Variants in OR1J2 observed in about 807,000 individuals in gnomAD.
OR1J2 encodes olfactory receptor family 1 subfamily J member 2.
For synonymous variants in OR1J2, 142 were observed against 99.7 expected, an observed-to-expected ratio of 1.42 and a Z score of -2.52; for missense variants, 304 against 246.1, an observed-to-expected ratio of 1.24 and a Z score of -1.57.
At chr9:122,561,270 A>T in the OR1J2 span, among the ~76,000 whole-genome samples, 1 of 152,078 alleles carries the variant, frequency 6.6e-6, no homozygotes, top group Non-Finnish European at 1.5e-5. Context: ...GCTTCTTTGC[A>T]TTGGGTTAGA....
chr9:122,535,220 C>A, the OR1J2 span, among the ~76,000 whole-genome samples: 5 of 151,882 alleles, frequency 3.3e-5, no homozygotes, highest in African/African-American at 1.2e-4. Flanking sequence ...GAGGTCGGGG[C>A]ATGGAAATAA....
chr9:122,477,025 A>C, the OR1J2 span: 3 of 1,613,568 alleles, frequency 1.9e-6, no homozygotes, highest in Non-Finnish European at 2.5e-6. Flanking sequence ...GAGTTTTCTT[A>C]GGGCTCCCTT....
At chr9:122,512,657 A>G (rs1390707865), downstream of OR1J2, among the ~76,000 whole-genome samples, 2 of 151,778 alleles carry the variant, frequency 1.3e-5, no homozygotes, top group African/African-American at 2.4e-5. Flanking sequence ...AAATTATCTC[A>G]TTTGTATATA....
upstream of OR1J2, among the ~76,000 whole-genome samples, chr9:122,507,914 T>A (rs1828556784): frequency 6.6e-6 from 1 of 152,056 alleles, no homozygotes; most frequent in African/African-American, 2.4e-5. Context: ...ACAAAAACCT[T>A]ATGGGGTATA....
At chr9:122,553,806 G>A in the OR1J2 span, 3 of 1,613,866 alleles carry the variant, frequency 1.9e-6, no homozygotes, top group East Asian at 2.2e-5. Flanking sequence ...CCATGTAAAC[G>A]AGCTGATGAT....
the OR1J2 span, among the ~76,000 whole-genome samples, chr9:122,462,763 G>A: frequency 6.6e-6 from 1 of 152,158 alleles, no homozygotes; most frequent in Non-Finnish European, 1.5e-5. Flanking sequence ...AACTCTTCTA[G>A]CTTGTAGGGT....
At chr9:122,575,984 A>G in the OR1J2 span, among the ~76,000 whole-genome samples, 1 of 152,062 alleles carries the variant, frequency 6.6e-6, no homozygotes, top group Non-Finnish European at 1.5e-5. Context: ...AGAGTGTGCA[A>G]TATTTTTATT....
chr9:122,488,545 C>A, the OR1J2 span, among the ~76,000 whole-genome samples: 1 of 152,200 alleles, frequency 6.6e-6, no homozygotes, highest in African/African-American at 2.4e-5. Flanking sequence ...TTATTTTCCT[C>A]ATGGGAAACA....
At chr9:122,541,110 G>T in the OR1J2 span, among the ~76,000 whole-genome samples, 4 of 152,210 alleles carry the variant, frequency 2.6e-5, no homozygotes, top group African/African-American at 9.6e-5. Context: ...TTTTGATTCA[G>T]CAGAGTTGAG....
chr9:122,521,722 C>T, the OR1J2 span, among the ~76,000 whole-genome samples: 19 of 152,202 alleles, frequency 1.2e-4, no homozygotes, highest in Non-Finnish European at 2.4e-4. Context: ...CTGCTGTACA[C>T]TCTCATCTCT....
chr9:122,568,205 C>T, the OR1J2 span: 3 of 1,614,160 alleles, frequency 1.9e-6, no homozygotes, highest in African/African-American at 2.7e-5. Flanking sequence ...AGGAGATGGT[C>T]TTCTTTTCTG....
the OR1J2 span, among the ~76,000 whole-genome samples, chr9:122,577,451 A>AAAG: frequency 6.6e-6 from 1 of 152,250 alleles, no homozygotes. Context: ...CAGAATTATA[A>AAAG]AAGAAGGCAA....
chr9:122,526,861 A>G, the OR1J2 span: 4 of 1,614,064 alleles, frequency 2.5e-6, no homozygotes, highest in South Asian at 3.3e-5. Context: ...ACCCAGCACA[A>G]TGCAAGCATT....
the OR1J2 span, among the ~76,000 whole-genome samples, chr9:122,448,253 G>A: frequency 6.6e-6 from 1 of 152,146 alleles, no homozygotes; most frequent in Non-Finnish European, 1.5e-5. Flanking sequence ...GGATATACAC[G>A]TAGGCCAGAT....
the OR1J2 span, chr9:122,519,827 A>G: frequency 6.2e-7 from 1 of 1,614,106 alleles, no homozygotes; most frequent in Non-Finnish European, 8.5e-7. Context: ...TCAAGGCTCC[A>G]TCTACTAAGG....
At chr9:122,561,944 C>G in the OR1J2 span, among the ~76,000 whole-genome samples, 1 of 152,182 alleles carries the variant, frequency 6.6e-6, no homozygotes, top group African/African-American at 2.4e-5. Context: ...GTAGGAAAAA[C>G]TAAGTCTGCT....
chr9:122,552,749 A>AGTGTGTGTGTGTGTGTGTGTGTGTGT, the OR1J2 span, among the ~76,000 whole-genome samples: 3 of 129,660 alleles, frequency 2.3e-5, no homozygotes, highest in African/African-American at 3.0e-5. Flanking sequence ...AGAGGGCTTG[A>AGTGTGTGTGTGTGTGTGTGTGTGTGT]GTGTGTGTGT....
chr9:122,512,556 CTTAAG>C (rs776455951), downstream of OR1J2, among the ~76,000 whole-genome samples: 8 of 152,076 alleles, frequency 5.3e-5, no homozygotes, highest in Non-Finnish European at 1.2e-4. Flanking sequence ...CAAGAGACAC[CTTAAG>C]TTATTTCAGT....
At chr9:122,502,675 C>CTT in the OR1J2 span, among the ~76,000 whole-genome samples, 1,511 of 146,908 alleles carry the variant, frequency 0.01, 26 homozygotes, top group African/African-American at 0.035. Context: ...CAACATAGTA[C>CTT]TTTTTTTTTT....
Sources: gnomAD v4.1 joint callset for allele counts (sites outside exome capture counted in the v4.1 genomes callset) on GRCh38, gnomAD v4.1.1 for gene constraint, MANE v1.5 for transcripts, NCBI Gene and HGNC (gene_info 2026-07-23, HGNC 2026-07-21) for gene names.